RALY: variants seen among roughly 807,000 people sequenced by gnomAD.
The protein encoded by RALY is RNA-binding protein Raly.
Under a neutral mutation model 30.7 loss-of-function variants are expected in RALY, and 15 were observed. The ratio of observed to expected loss-of-function variants is 0.49; its 90% CI spans 0.33 to 0.75. The LOEUF is 0.75. Ranked by LOEUF, RALY falls within the 30% of genes least tolerant of loss-of-function variation. RALY has a pLI of 0.02. For missense variants in RALY, 339 were observed against 414.3 expected, an observed-to-expected ratio of 0.82 and a Z score of 1.58; for synonymous variants, 177 against 170.8, an observed-to-expected ratio of 1.04 and a Z score of -0.28.
At chr20:34,032,411 CA>C (rs1178675924) in intron 2 of RALY, among the ~76,000 whole-genome samples, 1 of 152,112 alleles carries the variant, frequency 6.6e-6, no homozygotes. Context: ...AAGTGGATGT[CA>C]GGGGAAGCTG....
chr20:34,024,759 G>A (rs1445322915), intron 1 of RALY, among the ~76,000 whole-genome samples: 1 of 152,082 alleles, frequency 6.6e-6, no homozygotes, highest in Non-Finnish European at 1.5e-5. Context: ...TTATTATGTT[G>A]TGAGGTCATT....
intron 2 of RALY, among the ~76,000 whole-genome samples, chr20:34,047,317 T>C (rs1384990338): frequency 6.6e-6 from 1 of 152,140 alleles, no homozygotes; most frequent in African/African-American, 2.4e-5. Flanking sequence ...TGGGAGCCAT[T>C]AGATCAAGAA....
intron 1 of RALY, among the ~76,000 whole-genome samples, chr20:34,000,454 G>A (rs1198403041): frequency 6.6e-6 from 1 of 152,180 alleles, no homozygotes; most frequent in African/African-American, 2.4e-5. Flanking sequence ...GTAGAAGCAG[G>A]TATCTGGCCA....
At chr20:34,066,511 CTG>C (rs2033577394) in intron 2 of RALY, among the ~76,000 whole-genome samples, 1 of 152,152 alleles carries the variant, frequency 6.6e-6, no homozygotes, top group Admixed American at 6.5e-5. Context: ...CATCTTTTCA[CTG>C]TGTTCGCACA....
At chr20:34,018,930 G>GA (rs2031711235) in intron 1 of RALY, among the ~76,000 whole-genome samples, 1 of 152,156 alleles carries the variant, frequency 6.6e-6, no homozygotes, top group Admixed American at 6.5e-5. Context: ...GTACTTGTTA[G>GA]AAGGCTGTCT....
At chr20:34,037,611 T>A (rs759556843) in intron 2 of RALY, among the ~76,000 whole-genome samples, 2 of 152,202 alleles carry the variant, frequency 1.3e-5, no homozygotes, top group Non-Finnish European at 2.9e-5. Flanking sequence ...GCCTTTAGTT[T>A]CCTCATCTAT....
chr20:34,028,285 TAAAAAAAAAA>T (rs35090141), intron 1 of RALY, among the ~76,000 whole-genome samples: 12 of 131,828 alleles, frequency 9.1e-5, no homozygotes, highest in African/African-American at 2.5e-4. Context: ...GACCCTATCT[TAAAAAAAAAA>T]AAAAAGAAAT....
chr20:34,026,120 C>A (rs2032024625), intron 1 of RALY, among the ~76,000 whole-genome samples: 1 of 151,918 alleles, frequency 6.6e-6, no homozygotes, highest in Non-Finnish European at 1.5e-5. Flanking sequence ...CCTCTGCAGG[C>A]TTCAGCTTAA....
At chr20:34,076,894 G>C (rs2033895953) in intron 7 of RALY, 79 bp downstream of exon 7, 1 of 1,587,982 alleles carries the variant, frequency 6.3e-7, no homozygotes, top group South Asian at 1.1e-5. Flanking sequence ...ATGGGAGAGA[G>C]GAGCTAGGGT....
At chr20:34,072,410 C>T in intron 3 of RALY, 80 bp downstream of exon 3, 3 of 1,474,194 alleles carry the variant, frequency 2.0e-6, no homozygotes, top group Non-Finnish European at 2.7e-6. Context: ...CCCCTTCTCT[C>T]TTTCTCTCAC....
chr20:34,037,361 G>T (rs1041121971), intron 2 of RALY, among the ~76,000 whole-genome samples: 2 of 152,174 alleles, frequency 1.3e-5, no homozygotes, highest in African/African-American at 4.8e-5. Flanking sequence ...GGGCCTCCCA[G>T]GCTTCTGCAG....
intron 1 of RALY, among the ~76,000 whole-genome samples, chr20:34,011,070 A>G (rs1407194945): frequency 6.6e-6 from 1 of 152,014 alleles, no homozygotes; most frequent in African/African-American, 2.4e-5. Context: ...ATGGCTGCAT[A>G]GTAGATGATA....
chr20:34,083,996 A>G lies in RALY; in HGVS notation c.*4091A>G, dbSNP rs1381385750. On this transcript the variant is annotated 3_prime_UTR_variant, in exon 10 of 10. Coordinates refer to ENST00000246194, the MANE Select transcript of RALY (RefSeq NM_016732.3). ...CCTGCTGTTAAAAAGCACATTTTAC[A>G]TTTACTTAATCTCCACAACCACCCT... 1 of 152,238 alleles carries G rather than the reference A, an allele frequency of 6.6e-6. No homozygotes were observed. Among genetic ancestry groups the G allele is most frequent in the Non-Finnish European group, 1.5e-5 (1 of 68,036 alleles). 9.4% of individuals were successfully genotyped at this position (152,238 alleles called of 1,614,324 possible). A position where few individuals can be genotyped will look rare whatever the true frequency, so the allele number is the denominator to read the frequency against.
At chr20:34,037,923 A>G (rs1281226878) in intron 2 of RALY, among the ~76,000 whole-genome samples, 1 of 152,196 alleles carries the variant, frequency 6.6e-6, no homozygotes, top group Non-Finnish European at 1.5e-5. Context: ...AGGAGCGGGT[A>G]TCTGTGGGGG....
At chr20:34,039,851 G>A (rs750055713) in intron 2 of RALY, among the ~76,000 whole-genome samples, 11 of 152,218 alleles carry the variant, frequency 7.2e-5, no homozygotes, top group Non-Finnish European at 1.0e-4. Context: ...GGTGGCTCAT[G>A]CCTGTAATCC....
intron 1 of RALY, chr20:34,029,973 C>CAGT (rs2032208154): frequency 6.6e-6 from 1 of 152,204 alleles, no homozygotes. Flanking sequence ...TTTGAGATTA[C>CAGT]AGTAGCTAGA....
intron 1 of RALY, among the ~76,000 whole-genome samples, chr20:34,014,553 G>T (rs1207830030): frequency 6.6e-6 from 1 of 152,122 alleles, no homozygotes; most frequent in East Asian, 1.9e-4. Flanking sequence ...TTGGGATTTG[G>T]GTGGAGTATT....
chr20:34,016,640 G>A (rs1281622232), intron 1 of RALY: 1 of 152,190 alleles, frequency 6.6e-6, no homozygotes, highest in Non-Finnish European at 1.5e-5. Flanking sequence ...ATACCACCTT[G>A]GACAAGTTTC....
At chr20:34,070,735 G>A (rs1233113438) in intron 2 of RALY, among the ~76,000 whole-genome samples, 2 of 152,172 alleles carry the variant, frequency 1.3e-5, no homozygotes, top group East Asian at 3.9e-4. Context: ...GAGTAATCAT[G>A]ACATTAACTT....
Sources: gnomAD v4.1 joint callset for allele counts (sites outside exome capture counted in the v4.1 genomes callset) on GRCh38, gnomAD v4.1.1 for gene constraint, MANE v1.5 for transcripts, NCBI Gene and HGNC (gene_info 2026-07-23, HGNC 2026-07-21) for gene names.